Variants in CPSF3 observed in about 807,000 individuals in gnomAD.
CPSF3 encodes the protein cleavage and polyadenylation specificity factor subunit 3.
A neutral mutation model predicts 84.1 loss-of-function variants in CPSF3; 57 were observed. The ratio of observed to expected loss-of-function variants is 0.68; its 90% CI spans 0.55 to 0.85. The LOEUF is 0.85. CPSF3 is among the 40% of genes least tolerant of loss of function. The pLI is 0.00. For missense variants in CPSF3, 522 were observed against 838.8 expected (o/e 0.62, Z 4.66); for synonymous variants, 275 against 278.1 (o/e 0.99, Z 0.11).
At chr2:9,469,182 T>G (rs1029565226) in intron 16 of CPSF3, among the ~76,000 whole-genome samples, 14 of 152,200 alleles carry the variant, frequency 9.2e-5, no homozygotes, top group African/African-American at 3.4e-4. Context: ...AGGGCTCAAG[T>G]CTGCCAGCGT....
chr2:9,472,404 A>T (rs1466265479), intron 17 of CPSF3, among the ~76,000 whole-genome samples: 1 of 152,120 alleles, frequency 6.6e-6, no homozygotes, highest in Non-Finnish European at 1.5e-5. Flanking sequence ...AGATAGCCAC[A>T]TCCATTCCTT....
intron 17 of CPSF3, 52 bp downstream of exon 17, chr2:9,471,491 G>A (rs1306157875): frequency 9.1e-7 from 1 of 1,100,722 alleles, no homozygotes; most frequent in South Asian, 1.2e-5. Flanking sequence ...ATAAAGTGAA[G>A]GCATAAATAA....
intron 7 of CPSF3, among the ~76,000 whole-genome samples, chr2:9,438,983 T>C (rs1016236757): frequency 1.3e-5 from 2 of 152,184 alleles, no homozygotes; most frequent in African/African-American, 4.8e-5. Context: ...TCAGAGTTTA[T>C]TCATAAAAAC....
chr2:9,423,761 T>C lies in CPSF3; in HGVS notation c.-13T>C. On this transcript the variant is annotated 5_prime_UTR_variant, in exon 1 of 18. Coordinates refer to ENST00000238112, the MANE Select transcript of CPSF3 (RefSeq NM_016207.4). ...CCTGTTCCTCACCCCCGCTTCGCCC[T>C]CACACTTTCGGGATGTCTGCGATTC... 1 of 1,613,190 alleles carries C rather than the reference T, an allele frequency of 6.2e-7. No homozygotes were observed. Among genetic ancestry groups the C allele is most frequent in the Admixed American group, 1.7e-5 (1 of 59,918 alleles).
intron 16 of CPSF3, among the ~76,000 whole-genome samples, chr2:9,468,355 T>TGGGAGGCTTGGGATCCAAGATCCCA (rs1682045331): frequency 6.6e-6 from 1 of 152,136 alleles, no homozygotes; most frequent in Non-Finnish European, 1.5e-5. Flanking sequence ...GCCTCCCAAG[T>TGGGAGGCTTGGGATCCAAGATCCCA]AGCTGGGATC....
At chr2:9,449,844 G>A (rs1681254284) in intron 11 of CPSF3, among the ~76,000 whole-genome samples, 1 of 152,120 alleles carries the variant, frequency 6.6e-6, no homozygotes, top group Non-Finnish European at 1.5e-5. Flanking sequence ...CTTTTTAGAG[G>A]GATGCTGTCA....
chr2:9,453,185 C>T (rs72775277), intron 12 of CPSF3, among the ~76,000 whole-genome samples, 164 bp downstream of exon 12: 2,971 of 152,308 alleles, frequency 0.02, 49 homozygotes, highest in Non-Finnish European at 0.03. Flanking sequence ...AAAAACACCT[C>T]CCATGAACTA....
intron 10 of CPSF3, among the ~76,000 whole-genome samples, chr2:9,444,006 G>A (rs1263510443): frequency 6.6e-6 from 1 of 151,976 alleles, no homozygotes; most frequent in Non-Finnish European, 1.5e-5. Flanking sequence ...CCCTTGGCAA[G>A]TTACTTAACC....
At chr2:9,470,260 T>G (rs1187151212) in intron 16 of CPSF3, among the ~76,000 whole-genome samples, 2 of 152,198 alleles carry the variant, frequency 1.3e-5, no homozygotes, top group Non-Finnish European at 2.9e-5. Context: ...TTTTCCTTTG[T>G]GCTAGGGTCC....
At chr2:9,436,731 A>C (rs1680796552) in intron 7 of CPSF3, among the ~76,000 whole-genome samples, 1 of 150,774 alleles carries the variant, frequency 6.6e-6, no homozygotes, top group South Asian at 2.1e-4. Context: ...AGATTGCGCC[A>C]CTGCACTCCA....
chr2:9,427,459 T>C (rs1399652021), intron 1 of CPSF3, among the ~76,000 whole-genome samples: 1 of 151,978 alleles, frequency 6.6e-6, no homozygotes, highest in Non-Finnish European at 1.5e-5. Flanking sequence ...GATATGGAAA[T>C]GAAATGGAGA....
At chr2:9,438,926 G>A (rs970384255) in intron 7 of CPSF3, among the ~76,000 whole-genome samples, 3 of 152,024 alleles carry the variant, frequency 2.0e-5, no homozygotes, top group South Asian at 4.2e-4. Context: ...CTATCATATG[G>A]CTAGAGCCAT....
intron 12 of CPSF3, among the ~76,000 whole-genome samples, chr2:9,453,743 T>A (rs1681412957): frequency 6.6e-6 from 1 of 151,846 alleles, no homozygotes; most frequent in Admixed American, 6.6e-5. Context: ...ATACAAAAAT[T>A]AGCTGTATGT....
intron 7 of CPSF3, among the ~76,000 whole-genome samples, chr2:9,438,853 TTGTAA>T (rs1680873919): frequency 6.6e-6 from 1 of 152,222 alleles, no homozygotes; most frequent in African/African-American, 2.4e-5. Flanking sequence ...CAATTCTCCC[TTGTAA>T]TGTAGTATAA....
intron 10 of CPSF3, among the ~76,000 whole-genome samples, chr2:9,447,335 C>A (rs1335121253): frequency 6.6e-6 from 1 of 151,944 alleles, no homozygotes; most frequent in East Asian, 1.9e-4. Flanking sequence ...AAATATTAGC[C>A]GGGCATGGTG....
rs374643492 is a variant in CPSF3 at position 9,467,787 on chromosome 2, C to T, written c.1856+11C>T. 37 of 1,580,700 alleles carry T rather than the reference C, an allele frequency of 2.3e-5. 1 individual carries two copies. The highest frequency in any genetic ancestry group is 1.5e-4 in the African/African-American group (11 of 73,708). The stretch of plus-strand genomic sequence containing the variant: ...GGAGATCATGCTCCAGTAAGTTTTT[C>T]ACCCATTATTTCTCAACAAGACAGT... On this transcript the variant is annotated intron_variant, in intron 16 of 17. Coordinates refer to ENST00000238112, the MANE Select transcript of CPSF3 (RefSeq NM_016207.4).
At chr2:9,446,091 G>A (rs1463942481) in intron 10 of CPSF3, among the ~76,000 whole-genome samples, 1 of 152,194 alleles carries the variant, frequency 6.6e-6, no homozygotes, top group African/African-American at 2.4e-5. Flanking sequence ...TCCCCAGCAA[G>A]CAGTAAGCCC....
chr2:9,458,190 G>C (rs774474711), intron 14 of CPSF3, among the ~76,000 whole-genome samples: 1 of 151,792 alleles, frequency 6.6e-6, no homozygotes. Context: ...AATCACCTGA[G>C]ATCAGGAGTT....
intron 4 of CPSF3, among the ~76,000 whole-genome samples, chr2:9,431,568 G>A (rs1317410955): frequency 6.0e-5 from 8 of 133,120 alleles, no homozygotes; most frequent in South Asian, 4.6e-4. Flanking sequence ...TTTTTGAGAC[G>A]GAGTCTTGTG....
Sources: gnomAD v4.1 joint callset for allele counts (sites outside exome capture counted in the v4.1 genomes callset) on GRCh38, gnomAD v4.1.1 for gene constraint, MANE v1.5 for transcripts, NCBI Gene and HGNC (gene_info 2026-07-23, HGNC 2026-07-21) for gene names.